FERMT3: variants seen among roughly 807,000 people sequenced by gnomAD.
FERMT3 encodes FERM domain containing kindlin 3.
Under a neutral mutation model 80.8 loss-of-function variants are expected in FERMT3, and 33 were observed. The observed-to-expected ratio is 0.41, with a 90% CI of 0.31 to 0.55. FERMT3 has a LOEUF of 0.55. Among genes scored for constraint, FERMT3 ranks in the 20% least tolerant of loss-of-function variants. FERMT3 has a pLI of 0.31. For synonymous variants in FERMT3, 375 were observed against 372.2 expected, an observed-to-expected ratio of 1.01 and a Z score of -0.09; for missense variants, 754 against 908.7, an observed-to-expected ratio of 0.83 and a Z score of 2.19.
At chr11:64,222,666 CG>C (rs906953540) in intron 13 of FERMT3, among the ~76,000 whole-genome samples, 33 of 151,832 alleles carry the variant, frequency 2.2e-4, no homozygotes, top group African/African-American at 5.8e-4. Flanking sequence ...GGCCTGGGTT[CG>C]CCGGTCCGCA....
intron 6 of FERMT3, among the ~76,000 whole-genome samples, chr11:64,217,875 T>C (rs975819650): frequency 9.9e-5 from 15 of 152,224 alleles, no homozygotes; most frequent in Admixed American, 1.3e-4. Context: ...TTTCCGCCTA[T>C]TTTCAAGTCT....
In FERMT3 at chr11:64,211,227, T is replaced by C; in HGVS notation, c.515-48T>C. The C allele has an allele frequency of 1.2e-6, 2 of 1,606,316 alleles. No homozygotes were observed. Among genetic ancestry groups the C allele is most frequent in the Non-Finnish European group, 1.7e-6 (2 of 1,176,938 alleles). Reference sequence around the variant, plus strand: ...TTGGGGGCAGGGGCCGGCCCGTGAGTCCCAGCCCTGGGGGACAGGCCTGGT... The same window carrying C: ...TTGGGGGCAGGGGCCGGCCCGTGAGCCCCAGCCCTGGGGGACAGGCCTGGT... On this transcript the variant is annotated intron_variant, in intron 4 of 14. Transcript: ENST00000345728. The surrounding 1 kb of genome is among the most constrained non-coding windows in gnomAD (Gnocchi z 4.7).
At chr11:64,218,874 G>C (rs1946609727) in intron 6 of FERMT3, among the ~76,000 whole-genome samples, 3 of 151,860 alleles carry the variant, frequency 2.0e-5, no homozygotes, top group African/African-American at 4.9e-5. Context: ...ATTGAACTTG[G>C]GGGGGCCTTA....
At position 64,219,456 on chromosome 11, in the gene FERMT3, C is replaced by T. The variant is rs376704696; in HGVS notation, c.895-68C>T. 9.1e-5 allele frequency: 142 copies of T among 1,559,108 alleles called. No homozygotes were observed. Among genetic ancestry groups the T allele is most frequent in the South Asian group, 7.9e-4 (68 of 85,736 alleles). On this transcript the variant is annotated intron_variant, in intron 7 of 14. Transcript: ENST00000345728. This position sits in a 1 kb window ranked among gnomAD's most constrained non-coding sequence, Gnocchi z 4.0. ...AGTGGGGGCTACCTCCAGGGAAGCC[C>T]GGCCTGGGGGTACTGCTAGGGGACC...
In FERMT3 at chr11:64,219,604, G is replaced by A; in HGVS notation, c.975G>A (p.Val325=). The change falls in exon 8 of 15, where the codon GTG becomes GTA. Residue 325 remains valine, a synonymous_variant. Transcript: ENST00000345728. This position sits in a 1 kb window ranked among gnomAD's most constrained non-coding sequence, Gnocchi z 4.0. The part of the protein sequence containing the change: ...GTDPGLDDLD[V]ALSNLEVKLE... ...ACCCAGGGCTGGACGACCTGGATGT[G>A]GCCCTGAGCAACCTGGAGGTGAAGC... 1 of 1,612,968 alleles carries A rather than the reference G, an allele frequency of 6.2e-7. No individual in the cohort carries two copies. The highest frequency in any genetic ancestry group is 2.2e-5 in the East Asian group (1 of 44,872).
chr11:64,208,212 A>G (rs1007723444), intron 2 of FERMT3, among the ~76,000 whole-genome samples: 2 of 152,184 alleles, frequency 1.3e-5, no homozygotes, highest in Non-Finnish European at 2.9e-5. Context: ...TGTGCAGCAC[A>G]GGAGGAGGTC....
At position 64,210,856 on chromosome 11, in the gene FERMT3, G is replaced by C; in HGVS notation, c.394+12G>C. 1 of 1,610,648 alleles carries C rather than the reference G, an allele frequency of 6.2e-7. No individual in the cohort carries two copies. The highest frequency in any genetic ancestry group is 8.5e-7 in the Non-Finnish European group (1 of 1,179,948). ...CTGCCGCCTCCTCAGTAAGTTGCCC[G>C]GCTGATTCCCCTGGCCCACGAGGGT... On this transcript the variant is annotated intron_variant, in intron 3 of 14. Transcript: ENST00000345728. The surrounding 1 kb of genome is among the most constrained non-coding windows in gnomAD (Gnocchi z 4.3).
rs150164798 is a variant in FERMT3 at position 64,220,252 on chromosome 11, G to A, written c.1237G>A (p.Gly413Ser). 51 of 1,613,928 alleles carry A rather than the reference G, an allele frequency of 3.2e-5. No homozygotes were observed. The African/African-American group carries it at 5.7e-4, about 18-fold the overall frequency. The change falls in exon 11 of 15, where the codon GGC (glycine) becomes AGC (serine). Residue 413 changes from glycine to serine, a missense_variant. Gly to Ser is a moderately conservative substitution (Grantham distance 56, BLOSUM62 0). Coordinates refer to ENST00000345728, the MANE Select transcript of FERMT3 (RefSeq NM_031471.6). The part of the protein sequence containing the change: ...CEVVPDVNVS[G>S]QKFCIKLLVP... Reference sequence around the variant, plus strand: ...GGTGGTTCCCGATGTTAACGTCTCCGGCCAGAAGTTCTGCATTAAACTCCT... The same window carrying A: ...GGTGGTTCCCGATGTTAACGTCTCCAGCCAGAAGTTCTGCATTAAACTCCT...
chr11:64,214,476 G>T (rs925655335), intron 6 of FERMT3, among the ~76,000 whole-genome samples: 1 of 152,048 alleles, frequency 6.6e-6, no homozygotes, highest in Non-Finnish European at 1.5e-5. Flanking sequence ...CTCCCTAGTA[G>T]CTGGGATTAC....
chr11:64,210,786 C>T lies in FERMT3; in HGVS notation c.336C>T (p.Leu112=). The change falls in exon 3 of 15, where the codon CTC becomes CTT. Residue 112 remains leucine, a synonymous_variant. Transcript: ENST00000345728. This position sits in a 1 kb window ranked among gnomAD's most constrained non-coding sequence, Gnocchi z 4.3. ...LRLPNRRALR[L]RASFSQPLFQ... ...TGCCCAACCGCCGCGCACTGCGCCT[C>T]CGTGCCAGCTTCTCCCAGCCCCTCT... is the stretch of plus-strand genomic sequence containing the variant. 1.9e-6 allele frequency: 3 copies of T among 1,614,042 alleles called. No homozygotes were observed. The highest frequency in any genetic ancestry group is 1.1e-5 in the South Asian group (1 of 91,082).
intron 2 of FERMT3, 66 bp downstream of exon 2, chr11:64,207,590 A>G (rs1417279543): frequency 1.9e-6 from 3 of 1,546,814 alleles, no homozygotes. Flanking sequence ...GTCTCTGGGC[A>G]CTTCCGGGCC....
At chr11:64,212,504 C>T (rs1403475274) in intron 6 of FERMT3, among the ~76,000 whole-genome samples, 3 of 152,238 alleles carry the variant, frequency 2.0e-5, no homozygotes, top group African/African-American at 4.8e-5. Context: ...GAGAAGTGCA[C>T]CTGCTGAGGT....
Position 64,220,488 on chromosome 11 carries a change from G to T in FERMT3, c.1364G>T (p.Arg455Leu). Residue 455 changes from arginine (R) to leucine (L), a missense_variant, in exon 12 of 15, where the codon CGC becomes CTC. By Grantham distance (102) the Arg-to-Leu change is moderately radical. Transcript: ENST00000345728. Reference sequence around the variant, plus strand: ...GGCTGCCGCCTGGCCTCCAAAGGCCGCACCATGGCCGACAGCAGCTACACC... The same window carrying T: ...GGCTGCCGCCTGGCCTCCAAAGGCCTCACCATGGCCGACAGCAGCTACACC... The part of the protein sequence containing the change: ...MAGCRLASKG[R>L]TMADSSYTSE... The T allele has an allele frequency of 1.2e-6, 2 of 1,608,968 alleles. No individual in the cohort carries two copies. The highest frequency in any genetic ancestry group is 1.7e-6 in the Non-Finnish European group (2 of 1,178,272).
At chr11:64,222,971 C>T (rs1946745657) in intron 13 of FERMT3, 77 bp from the exon 14 acceptor site, 1 of 1,592,160 alleles carries the variant, frequency 6.3e-7, no homozygotes, top group Non-Finnish European at 8.6e-7. Context: ...GGCTCTCCAG[C>T]ACGGCGCCAC....
chr11:64,220,483 A>G lies in FERMT3; in HGVS notation c.1359A>G (p.Lys453=), dbSNP rs781605654. ...TGGCTGGCTGCCGCCTGGCCTCCAA[A>G]GGCCGCACCATGGCCGACAGCAGCT... ...RWMAGCRLAS[K]GRTMADSSYT... Residue 453 remains lysine, a synonymous_variant, in exon 12 of 15, where the codon AAA becomes AAG. Transcript: ENST00000345728. 1 of 1,609,658 alleles carries G rather than the reference A, an allele frequency of 6.2e-7. No homozygotes were observed. The highest frequency in any genetic ancestry group is 1.1e-5 in the South Asian group (1 of 90,818).
intron 1 of FERMT3, 110 bp from the exon 2 acceptor site, chr11:64,207,241 T>A (rs903188653): frequency 3.5e-5 from 45 of 1,297,720 alleles, no homozygotes; most frequent in African/African-American, 4.4e-5. Flanking sequence ...CCGCCCTCCT[T>A]CATGAGCGGC....
At chr11:64,221,218 C>A in intron 13 of FERMT3, 78 bp downstream of exon 13, 1 of 1,477,226 alleles carries the variant, frequency 6.8e-7, no homozygotes, top group South Asian at 1.1e-5. Context: ...TGCCCACATC[C>A]CAAGAGTAGG....
Position 64,211,520 on chromosome 11 carries a change from C to T in FERMT3, c.683+77C>T, listed in dbSNP as rs1426689634. 4.0e-6 allele frequency: 6 copies of T among 1,499,408 alleles called. No homozygotes were observed. The highest frequency in any genetic ancestry group is 2.9e-5 in the African/African-American group (2 of 68,108). 92.9% of individuals were successfully genotyped at this position (1,499,408 alleles called of 1,614,324 possible). ...ACCCCCTGTCCCGTGTCTGTGCCCA[C>T]CCCAGATCCACACTTCGTTTCCAGG... On this transcript the variant is annotated intron_variant, in intron 5 of 14. Transcript: ENST00000345728. The surrounding 1 kb of genome is among the most constrained non-coding windows in gnomAD (Gnocchi z 4.7).
chr11:64,210,962 G>T lies in FERMT3; in HGVS notation c.395-90G>T. ...TGCTGTCTGGGTTGCCACCCTGCCTGCAGGGCTGTGACCCGCCCCAAGCAC... is the reference window on the plus strand; with the variant it reads ...TGCTGTCTGGGTTGCCACCCTGCCTTCAGGGCTGTGACCCGCCCCAAGCAC... On this transcript the variant is annotated intron_variant, in intron 3 of 14. Transcript: ENST00000345728. This position sits in a 1 kb window ranked among gnomAD's most constrained non-coding sequence, Gnocchi z 4.3. The T allele has an allele frequency of 1.9e-6, 3 of 1,606,574 alleles. No homozygotes were observed. Among genetic ancestry groups the T allele is most frequent in the Non-Finnish European group, 2.5e-6 (3 of 1,176,810 alleles).
Sources: gnomAD v4.1 joint callset for allele counts (sites outside exome capture counted in the v4.1 genomes callset) on GRCh38, gnomAD v4.1.1 for gene constraint, Gnocchi (gnomAD v3.1) non-coding constraint, MANE v1.5 for transcripts, NCBI Gene and HGNC (gene_info 2026-07-23, HGNC 2026-07-21) for gene names.